Variants in ASXL3 observed in about 807,000 individuals in gnomAD.
The protein encoded by ASXL3 is putative Polycomb group protein ASXL3.
A neutral mutation model predicts 170.6 loss-of-function variants in ASXL3; 34 were observed. The observed-to-expected ratio is 0.20, with a 90% confidence interval of 0.15 to 0.27. The LOEUF (loss-of-function observed/expected upper bound fraction) is 0.27. Ranked by LOEUF, ASXL3 falls within the 10% of genes least tolerant of loss-of-function variation. The pLI is 1.00. For synonymous variants in ASXL3, 1,002 were observed against 989.1 expected (o/e 1.01, Z -0.24); for missense variants, 2,592 against 2,695.3 (o/e 0.96, Z 0.85).
In ASXL3 at chr18:33,745,897, C is replaced by T. The variant is rs1250592102; in HGVS notation, c.6049C>T (p.Pro2017Ser). The change falls in exon 12 of 12, where the codon CCG (proline) becomes TCG (serine). Residue 2017 changes from proline (P) to serine (S), a missense_variant. By Grantham distance (74) the Pro-to-Ser change is moderately conservative. Around this residue, in one of 4 missense-constraint regions of ASXL3, gnomAD observed 2,246 missense variants for 2,219.6 expected, o/e 1.01. Coordinates refer to ENST00000269197, the MANE Select transcript of ASXL3 (RefSeq NM_030632.3). ...AATGCCAAACAAAGCACTAGTACATCCGCCGCCGCCACCGCCTCCCCCTCC... is the reference window on the plus strand; with the variant it reads ...AATGCCAAACAAAGCACTAGTACATTCGCCGCCGCCACCGCCTCCCCCTCC... ...HTMPNKALVH[P>S]PPPPPPPPPP... The T allele has an allele frequency of 6.2e-7, 1 of 1,611,176 alleles. No individual in the cohort carries two copies. Among genetic ancestry groups the T allele is most frequent in the African/African-American group, 1.3e-5 (1 of 74,574 alleles).
intron 2 of ASXL3, among the ~76,000 whole-genome samples, chr18:33,608,613 T>C (rs571500461): frequency 6.6e-6 from 1 of 152,086 alleles, no homozygotes; most frequent in Admixed American, 6.6e-5. Context: ...AACTATGATG[T>C]TGTCATATGT....
chr18:33,634,295 G>A (rs560787410), intron 2 of ASXL3, among the ~76,000 whole-genome samples: 1 of 149,932 alleles, frequency 6.7e-6, no homozygotes, highest in Non-Finnish European at 1.5e-5. Flanking sequence ...AACAGTAGCT[G>A]GAATTAACAG....
intron 1 of ASXL3, among the ~76,000 whole-genome samples, chr18:33,582,799 C>G (rs914048465): frequency 6.6e-6 from 1 of 151,482 alleles, no homozygotes; most frequent in African/African-American, 2.4e-5. Flanking sequence ...AAATTCACCT[C>G]ATTGTTGGAA....
In ASXL3 at chr18:33,743,852, C is replaced by T. The variant is rs1214092091; in HGVS notation, c.4004C>T (p.Ser1335Phe). ...ISSSSASNLV[S>F]TQYTSVPTPS... The stretch of plus-strand genomic sequence containing the variant: ...AGCAGCAGTGCTAGTAACTTAGTCT[C>T]CACTCAGTACACCTCTGTGCCAACT... Residue 1335 changes from serine to phenylalanine, a missense_variant, in exon 12 of 12, where the codon TCC becomes TTC. By Grantham distance (155) the Ser-to-Phe change is radical (BLOSUM62 -2). Coordinates refer to ENST00000269197, the MANE Select transcript of ASXL3 (RefSeq NM_030632.3). 1.2e-6 allele frequency: 2 copies of T among 1,613,922 alleles called. No homozygotes were observed. Among genetic ancestry groups the T allele is most frequent in the African/African-American group, 1.3e-5 (1 of 74,950 alleles).
At chr18:33,724,457 C>G (rs1941684) in intron 8 of ASXL3, among the ~76,000 whole-genome samples, 90,862 of 151,820 alleles carry the variant, frequency 0.6, 28,382 homozygotes, top group East Asian at 0.9. Flanking sequence ...AATATAGTCT[C>G]TAGCATGGGG....
At chr18:33,659,421 C>T (rs559854497) in intron 4 of ASXL3, among the ~76,000 whole-genome samples, 1 of 152,032 alleles carries the variant, frequency 6.6e-6, no homozygotes, top group South Asian at 2.1e-4. Context: ...ATGTAAATGC[C>T]ATTGTAAGAA....
chr18:33,719,346 G>C lies in ASXL3; in HGVS notation c.880-12622G>C, dbSNP rs2067220334. On this transcript the variant is annotated intron_variant, in intron 8 of 11. Coordinates refer to ENST00000269197, the MANE Select transcript of ASXL3 (RefSeq NM_030632.3). ...TCCTACCTCCACACGCATGCACCTA[G>C]AATTTTCCCTTCTTGTACTTCTGTT... 2.0e-5 allele frequency among the ~76,000 whole-genome samples: 3 copies of C among 152,000 alleles called. No individual in the cohort carries two copies. In the South Asian group the frequency reaches 6.2e-4, roughly 32 times the overall value.
intron 8 of ASXL3, among the ~76,000 whole-genome samples, chr18:33,692,414 G>GTCTCAGCT (rs1321353365): frequency 6.6e-6 from 1 of 152,106 alleles, no homozygotes; most frequent in Non-Finnish European, 1.5e-5. Context: ...CCTTTTCTGT[G>GTCTCAGCT]TCTCAGCTTC....
At position 33,738,541 on chromosome 18, in the gene ASXL3, T is replaced by C. The variant is rs2067588047; in HGVS notation, c.1137T>C (p.Ala379=). 1 of 1,613,780 alleles carries C rather than the reference T, an allele frequency of 6.2e-7. No homozygotes were observed. The highest frequency in any genetic ancestry group is 2.2e-5 in the East Asian group (1 of 44,878). ...AGCTCACTACTGGACCAAACAACGC[T>C]GGAGCTCAAAGTAGTTCTTCATGTG... ...SVKLTTGPNN[A]GAQSSSSCGT... is the part of the protein sequence containing the mutation. Residue 379 remains alanine (A), a synonymous_variant, in exon 11 of 12, where the codon GCT becomes GCC. Coordinates refer to ENST00000269197, the MANE Select transcript of ASXL3 (RefSeq NM_030632.3).
chr18:33,702,110 C>T (rs2066883540), intron 8 of ASXL3, among the ~76,000 whole-genome samples: 1 of 152,050 alleles, frequency 6.6e-6, no homozygotes, highest in African/African-American at 2.4e-5. Flanking sequence ...TGTCATTATA[C>T]CTTCCTTAAT....
chr18:33,661,788 T>C (rs1397158079), intron 5 of ASXL3, 51 bp downstream of exon 5: 3 of 1,569,878 alleles, frequency 1.9e-6, no homozygotes, highest in Admixed American at 3.8e-5. Context: ...ATACTTAAGG[T>C]AATGTGTGTT....
intron 4 of ASXL3, among the ~76,000 whole-genome samples, chr18:33,653,921 TCTC>T (rs1443759461): frequency 6.6e-6 from 1 of 151,946 alleles, no homozygotes; most frequent in Non-Finnish European, 1.5e-5. Flanking sequence ...CATCTTAACT[TCTC>T]CAAATGACTT....
intron 7 of ASXL3, among the ~76,000 whole-genome samples, chr18:33,681,793 A>C (rs1471618851): frequency 6.6e-6 from 1 of 152,018 alleles, no homozygotes; most frequent in African/African-American, 2.4e-5. Flanking sequence ...AGAAACTTCT[A>C]TAAATATGCA....
chr18:33,660,900 T>G (rs1476286861), intron 4 of ASXL3, among the ~76,000 whole-genome samples: 1 of 152,172 alleles, frequency 6.6e-6, no homozygotes, highest in African/African-American at 2.4e-5. Flanking sequence ...TGGGCTCTAC[T>G]TGGTCACCCA....
intron 8 of ASXL3, among the ~76,000 whole-genome samples, chr18:33,693,226 C>T (rs1176892909): frequency 6.6e-6 from 1 of 152,038 alleles, no homozygotes; most frequent in Non-Finnish European, 1.5e-5. Context: ...GTTTATTGTG[C>T]ATTTGAGAAT....
intron 8 of ASXL3, among the ~76,000 whole-genome samples, chr18:33,720,507 A>G (rs2067241358): frequency 6.6e-6 from 1 of 152,116 alleles, no homozygotes; most frequent in Non-Finnish European, 1.5e-5. Flanking sequence ...CAGAGGGAAC[A>G]TTAAAGAAAA....
At chr18:33,704,875 T>A (rs2066932443) in intron 8 of ASXL3, among the ~76,000 whole-genome samples, 1 of 151,904 alleles carries the variant, frequency 6.6e-6, no homozygotes, top group Admixed American at 6.6e-5. Flanking sequence ...ATGTTTTAAG[T>A]GGTTCAGTTT....
chr18:33,745,959 ACCACCTCCGCTACCT>A lies in ASXL3; in HGVS notation c.6119_6133del (p.Pro2040_Pro2044del). 1.9e-5 allele frequency: 6 copies of A among 314,464 alleles called. No homozygotes were observed. Among genetic ancestry groups the A allele is most frequent in the Non-Finnish European group, 2.4e-5 (6 of 251,402 alleles). 19.5% of individuals were successfully genotyped at this position (314,464 alleles called of 1,614,324 possible). A position where few individuals can be genotyped will look rare whatever the true frequency, so the allele number is the denominator to read the frequency against. On this transcript the variant is annotated inframe_deletion, in exon 12 of 12. Transcript: ENST00000269197. Reference sequence around the variant, plus strand: ...TGGCTTTGCCCCCGCCTCCCCCCCCACCACCTCCGCTACCTCCACCTCTCCCTAATGCAGAAGTCC... The same window carrying A: ...TGGCTTTGCCCCCGCCTCCCCCCCCACCACCTCTCCCTAATGCAGAAGTCC...
At chr18:33,594,891 T>C (rs2065111586) in intron 1 of ASXL3, among the ~76,000 whole-genome samples, 1 of 152,128 alleles carries the variant, frequency 6.6e-6, no homozygotes, top group Admixed American at 6.5e-5. Flanking sequence ...GCACAAATCT[T>C]GATGCAGATA....
Sources: gnomAD v4.1 joint callset for allele counts (sites outside exome capture counted in the v4.1 genomes callset) on GRCh38, gnomAD v4.1.1 for gene constraint, gnomAD v4.1.1 regional missense constraint, MANE v1.5 for transcripts, NCBI Gene and HGNC (gene_info 2026-07-23, HGNC 2026-07-21) for gene names.